SSBP2: variants seen among roughly 807,000 people sequenced by gnomAD.
SSBP2 encodes single-stranded DNA-binding protein 2.
Under a neutral mutation model 61.8 loss-of-function variants are expected in SSBP2, and 17 were observed. That is an observed-to-expected ratio of 0.28 (90% CI 0.19 to 0.41). The LOEUF (loss-of-function observed/expected upper bound fraction) is 0.41. Ranked by LOEUF, SSBP2 falls within the 10% of genes least tolerant of loss-of-function variation. The pLI, the probability that SSBP2 is intolerant of heterozygous loss-of-function variation, is 1.00. For missense variants in SSBP2, 310 were observed against 458.7 expected, an observed-to-expected ratio of 0.68 and a Z score of 2.96; for synonymous variants, 139 against 141.3, an observed-to-expected ratio of 0.98 and a Z score of 0.12.
At chr5:81,682,976 G>A (rs1197659287) in intron 1 of SSBP2, among the ~76,000 whole-genome samples, 1 of 151,418 alleles carries the variant, frequency 6.6e-6, no homozygotes, top group African/African-American at 2.4e-5. Flanking sequence ...AGATCTATAT[G>A]AGGAGAACTT....
intron 1 of SSBP2, among the ~76,000 whole-genome samples, chr5:81,703,977 CTGCTGCTT>C (rs2153897250): frequency 6.6e-6 from 1 of 152,292 alleles, no homozygotes; most frequent in South Asian, 2.1e-4. Context: ...TGGAGCTTTA[CTGCTGCTT>C]TAGTCCCTTG....
rs184087477 is a variant in SSBP2 at position 81,694,116 on chromosome 5, C to G, written c.63-43777G>C. Among the ~76,000 whole-genome samples the G allele has an allele frequency of 9.2e-5, 14 of 152,040 alleles. No individual in the cohort carries two copies. The East Asian group carries it at 1.9e-3, about 21-fold the overall frequency. On this transcript the variant is annotated intron_variant, in intron 1 of 16. Transcript: ENST00000320672. Reference sequence around the variant, plus strand: ...GCATGTTCTCAGGTATTTGTGGGAGCTAAAAATTAAAACAATTGAACTCAT... The same window carrying G: ...GCATGTTCTCAGGTATTTGTGGGAGGTAAAAATTAAAACAATTGAACTCAT...
intron 4 of SSBP2, among the ~76,000 whole-genome samples, chr5:81,524,419 A>C (rs1416792389): frequency 2.0e-5 from 3 of 152,072 alleles, no homozygotes; most frequent in Non-Finnish European, 4.4e-5. Flanking sequence ...TCTGACCTAC[A>C]AAACTGTGAG....
intron 3 of SSBP2, among the ~76,000 whole-genome samples, chr5:81,618,281 A>G (rs1409475778): frequency 2.0e-5 from 2 of 99,566 alleles, no homozygotes; most frequent in Non-Finnish European, 4.4e-5. Context: ...ATGGAAAACA[A>G]AAAAAGGCAG....
intron 4 of SSBP2, among the ~76,000 whole-genome samples, chr5:81,545,172 C>G (rs1771635231): frequency 6.6e-6 from 1 of 152,040 alleles, no homozygotes; most frequent in Admixed American, 6.5e-5. Context: ...ATAAGTATGC[C>G]TTATACAGTA....
intron 10 of SSBP2, among the ~76,000 whole-genome samples, chr5:81,454,497 A>G (rs2153985620): frequency 6.6e-6 from 1 of 152,276 alleles, no homozygotes; most frequent in African/African-American, 2.4e-5. Context: ...CGTGGCCAAC[A>G]CGGTGAAACC....
intron 4 of SSBP2, among the ~76,000 whole-genome samples, chr5:81,542,028 A>C (rs1300604834): frequency 6.6e-6 from 1 of 152,374 alleles, no homozygotes; most frequent in East Asian, 1.9e-4. Context: ...CATTCAACAA[A>C]GGTCTAATAT....
chr5:81,447,714 T>C (rs1254809758), intron 11 of SSBP2, among the ~76,000 whole-genome samples: 1 of 152,146 alleles, frequency 6.6e-6, no homozygotes, highest in East Asian at 1.9e-4. Flanking sequence ...TATAGACCTG[T>C]CAATTATTTC....
intron 1 of SSBP2, among the ~76,000 whole-genome samples, chr5:81,685,591 C>T (rs1038665653): frequency 2.0e-5 from 3 of 152,094 alleles, no homozygotes; most frequent in African/African-American, 7.2e-5. Flanking sequence ...GAAGGGGAGG[C>T]TTATCTGTTA....
intron 1 of SSBP2, among the ~76,000 whole-genome samples, 179 bp from the exon 2 acceptor site, chr5:81,650,518 GTAAT>G (rs1233258176): frequency 2.6e-5 from 4 of 151,998 alleles, no homozygotes; most frequent in African/African-American, 9.7e-5. Flanking sequence ...AGAACTTAAA[GTAAT>G]TAAAAGTAGC....
At chr5:81,626,282 A>T (rs1205613264) in intron 3 of SSBP2, among the ~76,000 whole-genome samples, 1 of 152,242 alleles carries the variant, frequency 6.6e-6, no homozygotes, top group African/African-American at 2.4e-5. Context: ...TAATGAAGAT[A>T]GTTACCATTA....
intron 1 of SSBP2, among the ~76,000 whole-genome samples, chr5:81,749,679 G>A (rs999189120): frequency 8.5e-4 from 129 of 152,118 alleles, no homozygotes; most frequent in African/African-American, 3.0e-3. Context: ...AAAAAAAAGG[G>A]GGGGGTTCTT....
chr5:81,501,264 TATATACACAC>T (rs1561475337), intron 5 of SSBP2, among the ~76,000 whole-genome samples: 1 of 42,420 alleles, frequency 2.4e-5, no homozygotes, highest in Non-Finnish European at 4.2e-5. Context: ...TATATATATA[TATATACACAC>T]ACACACACAT....
At chr5:81,520,983 T>C (rs1769437048) in intron 4 of SSBP2, among the ~76,000 whole-genome samples, 1 of 152,132 alleles carries the variant, frequency 6.6e-6, no homozygotes, top group Non-Finnish European at 1.5e-5. Flanking sequence ...CAAGCTCAGC[T>C]TTCCTTTTGT....
At chr5:81,572,902 A>G (rs1773937126) in intron 4 of SSBP2, among the ~76,000 whole-genome samples, 2 of 152,214 alleles carry the variant, frequency 1.3e-5, no homozygotes, top group South Asian at 4.1e-4. Flanking sequence ...CATCTAATCA[A>G]TGTGAAACAG....
intron 16 of SSBP2, among the ~76,000 whole-genome samples, chr5:81,424,454 AAG>A (rs1199089235): frequency 6.7e-6 from 1 of 150,326 alleles, no homozygotes; most frequent in African/African-American, 2.5e-5. Flanking sequence ...AATAAATAAA[AAG>A]AAAGAAAAGA....
intron 14 of SSBP2, chr5:81,437,751 T>A (rs1283551334): frequency 9.4e-6 from 2 of 212,654 alleles, no homozygotes; most frequent in African/African-American, 4.7e-5. Flanking sequence ...GAAAGACCAT[T>A]TTATATACCC....
At chr5:81,540,850 A>T (rs1771210240) in intron 4 of SSBP2, among the ~76,000 whole-genome samples, 1 of 152,152 alleles carries the variant, frequency 6.6e-6, no homozygotes. Flanking sequence ...ATGACATGAA[A>T]TGTAACTCCA....
chr5:81,600,624 T>C (rs1239917813), intron 4 of SSBP2, among the ~76,000 whole-genome samples: 1 of 145,474 alleles, frequency 6.9e-6, no homozygotes, highest in Non-Finnish European at 1.5e-5. Context: ...TGTTCCATAA[T>C]AATTCTGGCG....
Sources: gnomAD v4.1 joint callset for allele counts (sites outside exome capture counted in the v4.1 genomes callset) on GRCh38, gnomAD v4.1.1 for gene constraint, MANE v1.5 for transcripts, NCBI Gene and HGNC (gene_info 2026-07-23, HGNC 2026-07-21) for gene names.